LDLRAP1: variants seen among roughly 807,000 people sequenced by gnomAD.
The protein encoded by LDLRAP1 is low density lipoprotein receptor adaptor protein 1, also known as low density lipoprotein receptor adapter protein 1.
LDLRAP1 carries 30 observed loss-of-function variants against 37.8 expected under a neutral mutation model. That is an observed-to-expected ratio of 0.79 (90% CI 0.59 to 1.08). The LOEUF is 1.08. Among genes scored for constraint, LDLRAP1 ranks in the 50% least tolerant of loss-of-function variants. The pLI is 0.00. For missense variants in LDLRAP1, 375 were observed against 401.6 expected (o/e 0.93, Z 0.57); for synonymous variants, 156 against 169.8 (o/e 0.92, Z 0.63).
downstream of LDLRAP1, among the ~76,000 whole-genome samples, chr1:25,573,886 G>A (rs1300199051): frequency 4.6e-5 from 7 of 152,204 alleles, no homozygotes; most frequent in African/African-American, 7.2e-5. Context: ...CATGCCAGGC[G>A]TCTGGAACAT....
chr1:25,577,718 G>A, the LDLRAP1 span, among the ~76,000 whole-genome samples: 1 of 152,218 alleles, frequency 6.6e-6, no homozygotes, highest in Non-Finnish European at 1.5e-5. Context: ...GCCTGGCGCC[G>A]GGTGGCAGGC....
At chr1:25,562,489 T>C (rs1017910397) in intron 4 of LDLRAP1, among the ~76,000 whole-genome samples, 155 bp from the exon 5 acceptor site, 6 of 152,208 alleles carry the variant, frequency 3.9e-5, no homozygotes, top group African/African-American at 1.4e-4. Flanking sequence ...AGGACCCTGC[T>C]CTGCCCAGCA....
rs2043898493 is a variant in LDLRAP1, at chr1:25,544,972, T to A, written c.88+1186T>A. Among the ~76,000 whole-genome samples, 1 of 152,174 alleles carries A rather than the reference T, an allele frequency of 6.6e-6. No homozygotes were observed. The highest frequency in any genetic ancestry group is 2.4e-5 in the African/African-American group (1 of 41,442). ...CGCCTCCCTCCTCCTCTGGCCCCACTCTGTTGTTCAGCTGTGGCCGCCTCC... is the reference window on the plus strand; with the variant it reads ...CGCCTCCCTCCTCCTCTGGCCCCACACTGTTGTTCAGCTGTGGCCGCCTCC... On this transcript the variant is annotated intron_variant, in intron 1 of 8. Transcript: ENST00000374338. This position sits in a 1 kb window ranked among gnomAD's most constrained non-coding sequence, Gnocchi z 4.8.
At chr1:25,552,976 G>A (rs1203421547) in intron 1 of LDLRAP1, among the ~76,000 whole-genome samples, 1 of 152,168 alleles carries the variant, frequency 6.6e-6, no homozygotes, top group Non-Finnish European at 1.5e-5. Flanking sequence ...GACCATCCAG[G>A]GGGTGGGAAG....
At chr1:25,547,354 AG>A (rs1455379979) in intron 1 of LDLRAP1, among the ~76,000 whole-genome samples, 1 of 152,034 alleles carries the variant, frequency 6.6e-6, no homozygotes, top group East Asian at 1.9e-4. Context: ...GGGGTGGTGC[AG>A]GCCTGTAATC....
intron 7 of LDLRAP1, chr1:25,564,270 C>T (rs942202015): frequency 1.8e-5 from 3 of 171,372 alleles, no homozygotes; most frequent in Non-Finnish European, 2.5e-5. Flanking sequence ...AACGGAATCT[C>T]CCCGAGGAAC....
At chr1:25,546,567 T>C (rs1009952422) in intron 1 of LDLRAP1, among the ~76,000 whole-genome samples, 1 of 152,168 alleles carries the variant, frequency 6.6e-6, no homozygotes, top group Non-Finnish European at 1.5e-5. Flanking sequence ...TCCTTCCAGC[T>C]GCCTGGAAGA....
the LDLRAP1 span, among the ~76,000 whole-genome samples, chr1:25,579,550 C>T: frequency 2.0e-5 from 3 of 152,246 alleles, no homozygotes; most frequent in African/African-American, 7.2e-5. Flanking sequence ...TTGTTTTCAG[C>T]ACAGTTATAG....
At chr1:25,549,584 A>T (rs991454376) in intron 1 of LDLRAP1, among the ~76,000 whole-genome samples, 2 of 152,226 alleles carry the variant, frequency 1.3e-5, no homozygotes, top group African/African-American at 4.8e-5. Flanking sequence ...TAAAATTGCA[A>T]CGTTAAAATA....
chr1:25,574,051 G>A, the LDLRAP1 span, among the ~76,000 whole-genome samples: 2 of 152,254 alleles, frequency 1.3e-5, no homozygotes, highest in Non-Finnish European at 2.9e-5. Flanking sequence ...GGCCGGCAGC[G>A]CTGCTGCACC....
chr1:25,583,201 T>C, the LDLRAP1 span, among the ~76,000 whole-genome samples: 2 of 150,294 alleles, frequency 1.3e-5, no homozygotes, highest in African/African-American at 4.9e-5. Context: ...GATTTTTTTT[T>C]TTTTTTTTGG....
At chr1:25,574,439 G>A in the LDLRAP1 span, among the ~76,000 whole-genome samples, 7 of 152,228 alleles carry the variant, frequency 4.6e-5, no homozygotes, top group Non-Finnish European at 1.5e-5. Flanking sequence ...GCAGATGGAA[G>A]GTTGAAAAGG....
the LDLRAP1 span, among the ~76,000 whole-genome samples, chr1:25,585,109 C>G: frequency 6.6e-6 from 1 of 152,006 alleles, no homozygotes; most frequent in Non-Finnish European, 1.5e-5. Context: ...GAGGGCAGAG[C>G]GGTAAGAGTT....
chr1:25,574,670 G>A, the LDLRAP1 span, among the ~76,000 whole-genome samples: 7 of 152,276 alleles, frequency 4.6e-5, no homozygotes, highest in Non-Finnish European at 7.4e-5. Flanking sequence ...CCTGCCAGCC[G>A]AGCAAGAGGC....
rs752255281 is a variant in LDLRAP1 at position 25,563,718 on chromosome 1, C to G, written c.674C>G (p.Thr225Arg). The change falls in exon 7 of 9, where the codon ACG becomes AGG. Residue 225 changes from threonine (T) to arginine (R), a missense_variant. By Grantham distance (71) the Thr-to-Arg change is moderately conservative. Transcript: ENST00000374338. ...GAGACAGCTAAGGCCCCGCTGTCCA[C>G]GGTCAGCGCCAACACCACCAACATG... ...LEETAKAPLSTVSANTTNMDE... is the reference protein window; with the variant it reads ...LEETAKAPLSRVSANTTNMDE... 3.1e-6 allele frequency: 5 copies of G among 1,613,898 alleles called. No homozygotes were observed. The highest frequency in any genetic ancestry group is 4.2e-6 in the Non-Finnish European group (5 of 1,179,982).
At chr1:25,558,445 A>G (rs2044262524) in intron 4 of LDLRAP1, among the ~76,000 whole-genome samples, 1 of 152,258 alleles carries the variant, frequency 6.6e-6, no homozygotes, top group African/African-American at 2.4e-5. Context: ...ACACAAATGT[A>G]TTCTCTTATG....
chr1:25,587,337 A>G, the LDLRAP1 span, among the ~76,000 whole-genome samples: 1 of 152,110 alleles, frequency 6.6e-6, no homozygotes, highest in South Asian at 2.1e-4. Flanking sequence ...TTTATTTTGT[A>G]GAGACAGGGT....
Position 25,567,184 on chromosome 1 carries a change from C to A in LDLRAP1, c.*192C>A. The A allele has an allele frequency of 1.5e-6, 1 of 659,866 alleles. No homozygotes were observed. The highest frequency in any genetic ancestry group is 2.6e-6 in the Non-Finnish European group (1 of 377,374). The allele number at this position is 659,866 out of a possible 1,614,324, so 40.9% of individuals were successfully genotyped here. On this transcript the variant is annotated 3_prime_UTR_variant, in exon 9 of 9. Transcript: ENST00000374338. ...TTAAGCCCTGCTCTTTCTCTGAGAA[C>A]CAAAAGATGCCTTGAATATTTATTC... is the stretch of plus-strand genomic sequence containing the variant.
At chr1:25,563,306 G>GA (rs1372583963) in intron 6 of LDLRAP1, among the ~76,000 whole-genome samples, 153 bp downstream of exon 6, 8 of 152,306 alleles carry the variant, frequency 5.3e-5, no homozygotes, top group Middle Eastern at 3.4e-3. Flanking sequence ...AGATCAATTA[G>GA]AAAATGTAGA....
Sources: allele counts gnomAD v4.1 joint callset (sites outside exome capture counted in the v4.1 genomes callset), GRCh38; gene constraint gnomAD v4.1.1; non-coding constraint Gnocchi (gnomAD v3.1); transcripts MANE v1.5; gene names NCBI Gene and HGNC (gene_info 2026-07-23, HGNC 2026-07-21).